The following AGBL4 variants were observed in gnomAD, a reference collection of about 807,000 sequenced individuals.
The protein encoded by AGBL4 is AGBL carboxypeptidase 4.
In AGBL4, 58 loss-of-function variants were observed where a neutral mutation model predicts 66.4. The observed-to-expected ratio is 0.87, with a 90% CI of 0.71 to 1.09. The LOEUF (loss-of-function observed/expected upper bound fraction) is 1.09, where lower values mean the gene tolerates loss of function less well. Ranked by LOEUF, AGBL4 falls within the 50% of genes least tolerant of loss-of-function variation. AGBL4 has a pLI of 0.00. For synonymous variants in AGBL4, 234 were observed against 222.9 expected (o/e 1.05, Z -0.44); for missense variants, 579 against 631.0 (o/e 0.92, Z 0.88).
intron 3 of AGBL4, among the ~76,000 whole-genome samples, chr1:49,589,527 C>A (rs567854082): frequency 6.6e-6 from 1 of 151,962 alleles, no homozygotes; most frequent in South Asian, 2.1e-4. Flanking sequence ...AAAGTATTGG[C>A]ATTTGTAGGG....
At chr1:48,586,963 G>T (rs1644831787) in intron 11 of AGBL4, 41 bp downstream of exon 11, 2 of 1,606,972 alleles carry the variant, frequency 1.2e-6, no homozygotes, top group East Asian at 2.2e-5. Context: ...ACTCTCGGCT[G>T]GATGAGGGCT....
intron 4 of AGBL4, among the ~76,000 whole-genome samples, chr1:49,207,542 T>TTTTTCTTTC: frequency 1.3e-5 from 1 of 78,030 alleles, no homozygotes; most frequent in Admixed American, 1.6e-4. Flanking sequence ...TTTTTCTTTC[T>TTTTTCTTTC]TTTCTTTCTT....
At chr1:48,534,824 T>C (rs557676783) in intron 13 of AGBL4, 66 bp downstream of exon 13, 5 of 1,477,050 alleles carry the variant, frequency 3.4e-6, no homozygotes, top group Non-Finnish European at 4.6e-6. Flanking sequence ...ATAGGTGAGA[T>C]ACAGCCCTGG....
intron 11 of AGBL4, chr1:48,583,744 C>G (rs890457654): frequency 6.6e-6 from 1 of 152,118 alleles, no homozygotes; most frequent in African/African-American, 2.4e-5. Flanking sequence ...GACCATATTG[C>G]CTTTCCCATC....
chr1:49,472,982 C>T (rs12143784), intron 3 of AGBL4, among the ~76,000 whole-genome samples: 47,883 of 151,794 alleles, frequency 0.32, 8,465 homozygotes, highest in East Asian at 0.73. Flanking sequence ...ATCCATGTTG[C>T]GGCAAAGAAC....
At chr1:49,845,486 A>G (rs1646116587) in intron 2 of AGBL4, 1 of 1,574,030 alleles carries the variant, frequency 6.4e-7, no homozygotes, top group Non-Finnish European at 8.7e-7. Context: ...CACACTGGGG[A>G]GAAACCCTAT....
chr1:48,762,667 T>C (rs1644336952), intron 6 of AGBL4, among the ~76,000 whole-genome samples: 1 of 151,834 alleles, frequency 6.6e-6, no homozygotes, highest in Admixed American at 6.6e-5. Flanking sequence ...TGTATGTATT[T>C]GCATGTGTTA....
At chr1:48,976,003 T>C (rs1052413234) in intron 5 of AGBL4, among the ~76,000 whole-genome samples, 27 of 152,138 alleles carry the variant, frequency 1.8e-4, no homozygotes, top group African/African-American at 6.5e-4. Flanking sequence ...AACAGAGAGA[T>C]GGCCAGAAGT....
intron 4 of AGBL4, among the ~76,000 whole-genome samples, chr1:49,123,212 C>A (rs1246103218): frequency 6.6e-6 from 1 of 152,104 alleles, no homozygotes; most frequent in Non-Finnish European, 1.5e-5. Context: ...ATTATTTGAT[C>A]TTTACAATAT....
intron 3 of AGBL4, among the ~76,000 whole-genome samples, chr1:49,520,740 C>G (rs1195902485): frequency 6.6e-6 from 1 of 151,952 alleles, no homozygotes; most frequent in Non-Finnish European, 1.5e-5. Flanking sequence ...TCTGCCAATT[C>G]CTATTGAAAA....
In AGBL4 at chr1:48,659,839, TTTAG is replaced by T. The variant is rs1234689762; in HGVS notation, c.724+3309_724+3312del. ...GCTCCTCCCCTACTGCTGGCACTTATTTAGTATTTTCTCTATTCCAGACCATCCT... is the reference window on the plus strand; with the variant it reads ...GCTCCTCCCCTACTGCTGGCACTTATTATTTTCTCTATTCCAGACCATCCT... On this transcript the variant is annotated intron_variant, in intron 7 of 13. Transcript: ENST00000371839. Among the ~76,000 whole-genome samples, 3 of 152,270 alleles carry T rather than the reference TTTAG, an allele frequency of 2.0e-5. No homozygotes were observed. The East Asian group carries it at 5.8e-4, about 29-fold the overall frequency.
chr1:49,491,964 A>G (rs1034020067), intron 3 of AGBL4, among the ~76,000 whole-genome samples: 7 of 151,960 alleles, frequency 4.6e-5, no homozygotes, highest in African/African-American at 1.7e-4. Context: ...TTTGAGATTA[A>G]CAGCAATAAC....
chr1:49,656,583 T>C (rs897781531), intron 3 of AGBL4, among the ~76,000 whole-genome samples: 1 of 152,158 alleles, frequency 6.6e-6, no homozygotes, highest in Non-Finnish European at 1.5e-5. Flanking sequence ...ATATCCCTGA[T>C]GAACGTTGAT....
chr1:49,788,297 G>A (rs1028914414), intron 2 of AGBL4, among the ~76,000 whole-genome samples: 7 of 151,776 alleles, frequency 4.6e-5, no homozygotes, highest in Non-Finnish European at 8.8e-5. Flanking sequence ...AAGGTGATCA[G>A]CCAAAAACTG....
At chr1:49,286,536 A>G (rs926855246) in intron 3 of AGBL4, among the ~76,000 whole-genome samples, 1 of 152,110 alleles carries the variant, frequency 6.6e-6, no homozygotes, top group Admixed American at 6.6e-5. Context: ...AAATCAATGT[A>G]CAAAAATCAC....
intron 3 of AGBL4, among the ~76,000 whole-genome samples, chr1:49,557,976 G>T (rs1349731686): frequency 6.6e-6 from 1 of 151,830 alleles, no homozygotes; most frequent in Non-Finnish European, 1.5e-5. Context: ...GTTAAGAGTA[G>T]TGAGGCCTTA....
intron 3 of AGBL4, among the ~76,000 whole-genome samples, chr1:49,286,399 T>G (rs1004290406): frequency 1.3e-5 from 2 of 151,972 alleles, no homozygotes; most frequent in African/African-American, 4.8e-5. Flanking sequence ...GGGTATTCAA[T>G]TAGGAAAAGA....
At chr1:49,935,146 C>T (rs571081827) in intron 1 of AGBL4, among the ~76,000 whole-genome samples, 10 of 152,314 alleles carry the variant, frequency 6.6e-5, no homozygotes, top group African/African-American at 2.2e-4. Context: ...AGCGCTTTTC[C>T]GATGGGCTTA....
chr1:48,599,077 A>G (rs2148360757), intron 9 of AGBL4, among the ~76,000 whole-genome samples: 1 of 152,260 alleles, frequency 6.6e-6, no homozygotes, highest in Non-Finnish European at 1.5e-5. Flanking sequence ...GATCATCAAC[A>G]TCGCTGTCTT....
Sources: allele counts gnomAD v4.1 joint callset (sites outside exome capture counted in the v4.1 genomes callset), GRCh38; gene constraint gnomAD v4.1.1; transcripts MANE v1.5; gene names NCBI Gene and HGNC (gene_info 2026-07-23, HGNC 2026-07-21).